The following DMD variants were observed in gnomAD, a reference collection of about 807,000 sequenced individuals.
DMD encodes the protein mutant dystrophin.
A neutral mutation model predicts 330.1 loss-of-function variants in DMD; 63 were observed. The ratio of observed to expected loss-of-function variants is 0.19; its 90% CI spans 0.16 to 0.24. The LOEUF (loss-of-function observed/expected upper bound fraction) is 0.24. Among genes scored for constraint, DMD ranks in the 10% least tolerant of loss-of-function variants. The pLI is 1.00. For missense variants in DMD, 3,344 were observed against 2,684.1 expected (o/e 1.25, Z -5.43); for synonymous variants, 1,223 against 959.8 (o/e 1.27, Z -5.07).
chrX:32,184,747 G>A (rs1416313785), intron 44 of DMD, among the ~76,000 whole-genome samples: 1 of 109,176 alleles, frequency 9.2e-6, no homozygotes, highest in African/African-American at 3.3e-5. Flanking sequence ...GAAATATAAG[G>A]CTTTTTTTCT....
intron 16 of DMD, among the ~76,000 whole-genome samples, chrX:32,554,878 G>GAAGA (rs769646135): frequency 0.05 from 1,625 of 32,619 alleles, 95 homozygotes; most frequent in Non-Finnish European, 0.075. Flanking sequence ...GAGAAGGAAA[G>GAAGA]AAGAAAGAAA....
At chrX:32,710,971 T>C (rs1297257123) in intron 7 of DMD, among the ~76,000 whole-genome samples, 1 of 111,537 alleles carries the variant, frequency 9.0e-6, no homozygotes, top group South Asian at 3.7e-4. Flanking sequence ...ATAAACAATA[T>C]GATCACTAAT....
chrX:31,476,386 T>C (rs1420757768), intron 59 of DMD, among the ~76,000 whole-genome samples: 5 of 80,631 alleles, frequency 6.2e-5, no homozygotes, highest in African/African-American at 2.7e-4. Flanking sequence ...TAACTATGTA[T>C]GTGTGTGTGT....
At chrX:32,049,711 T>C (rs1301403561) in intron 44 of DMD, among the ~76,000 whole-genome samples, 5 of 111,621 alleles carry the variant, frequency 4.5e-5, no homozygotes, top group Non-Finnish European at 9.4e-5. Flanking sequence ...TTACCTCCTC[T>C]AGTATAAGGA....
intron 7 of DMD, among the ~76,000 whole-genome samples, chrX:32,707,094 A>C (rs1569476727): frequency 9.9e-6 from 1 of 100,512 alleles, no homozygotes; most frequent in Non-Finnish European, 1.9e-5. Flanking sequence ...TCCGTCTCGG[A>C]GGGGGTAAAA....
At chrX:33,184,029 G>A (rs2050126716) in intron 1 of DMD, among the ~76,000 whole-genome samples, 1 of 111,371 alleles carries the variant, frequency 9.0e-6, no homozygotes, top group East Asian at 2.8e-4. Context: ...TAGTTAAAAG[G>A]GAGCCAGAAT....
intron 54 of DMD, among the ~76,000 whole-genome samples, chrX:31,631,533 G>A (rs777778475): frequency 4.5e-5 from 5 of 111,284 alleles, no homozygotes; most frequent in African/African-American, 1.6e-4. Flanking sequence ...TCCTCCTGGG[G>A]AAGGCTAGGA....
intron 44 of DMD, among the ~76,000 whole-genome samples, chrX:32,011,625 T>C (rs2095709531): frequency 9.0e-6 from 1 of 111,567 alleles, no homozygotes; most frequent in Non-Finnish European, 1.9e-5. Flanking sequence ...GCTTGACGCA[T>C]CCTCCTCCTG....
At chrX:31,523,412 A>AC (rs2073013027) in intron 55 of DMD, among the ~76,000 whole-genome samples, 1 of 111,225 alleles carries the variant, frequency 9.0e-6, no homozygotes, top group African/African-American at 3.3e-5. Context: ...TTAAAGGAGA[A>AC]CCCCCAAGAA....
At chrX:31,404,592 T>A (rs973713241) in intron 60 of DMD, among the ~76,000 whole-genome samples, 2 of 112,254 alleles carry the variant, frequency 1.8e-5, no homozygotes, top group South Asian at 7.4e-4. Flanking sequence ...ATTATAAAAT[T>A]GCATTTAGAT....
At chrX:32,879,697 C>T (rs922143996) in intron 2 of DMD, among the ~76,000 whole-genome samples, 29 of 110,353 alleles carry the variant, frequency 2.6e-4, no homozygotes, top group African/African-American at 7.9e-4. Flanking sequence ...TGTTCATAAT[C>T]TTTTCCAGTT....
chrX:32,167,246 T>C (rs1036151393), intron 44 of DMD, among the ~76,000 whole-genome samples: 1 of 112,673 alleles, frequency 8.9e-6, no homozygotes, highest in Non-Finnish European at 1.9e-5. Flanking sequence ...ATGCTGGTTT[T>C]AACTCTGCAC....
intron 50 of DMD, among the ~76,000 whole-genome samples, chrX:31,794,441 T>A (rs1231147210): frequency 8.9e-6 from 1 of 111,867 alleles, no homozygotes; most frequent in Non-Finnish European, 1.9e-5. Flanking sequence ...AATCTTTTAA[T>A]AGTTTAGGCA....
At chrX:32,773,276 T>C (rs766445942) in intron 7 of DMD, among the ~76,000 whole-genome samples, 22 of 111,684 alleles carry the variant, frequency 2.0e-4, no homozygotes, top group Admixed American at 1.2e-3. Context: ...ATTATTTTAG[T>C]TATTATGACT....
At chrX:33,043,498 G>C (rs889541773) in intron 1 of DMD, among the ~76,000 whole-genome samples, 2 of 110,460 alleles carry the variant, frequency 1.8e-5, no homozygotes, top group East Asian at 5.7e-4. Flanking sequence ...GGTTTATAAG[G>C]GAATGATCTA....
chrX:32,170,705 T>C (rs986697801), intron 44 of DMD, among the ~76,000 whole-genome samples: 50 of 110,029 alleles, frequency 4.5e-4, no homozygotes, highest in Admixed American at 4.0e-3. Context: ...TTGGACAGAA[T>C]AATTCTTTGT....
chrX:31,231,706 C>A (rs777416163), intron 63 of DMD, among the ~76,000 whole-genome samples: 1 of 112,148 alleles, frequency 8.9e-6, no homozygotes, highest in Non-Finnish European at 1.9e-5. Context: ...TGGCGAAACC[C>A]CGTCTCTACT....
intron 1 of DMD, among the ~76,000 whole-genome samples, chrX:33,321,930 C>A (rs1881975710): frequency 8.9e-6 from 1 of 111,925 alleles, no homozygotes; most frequent in South Asian, 3.8e-4. Flanking sequence ...TAGCTTCCAA[C>A]TTTTCTTCTG....
intron 5 of DMD, among the ~76,000 whole-genome samples, chrX:32,818,253 C>CAT (rs1410165852): frequency 9.0e-6 from 1 of 111,590 alleles, no homozygotes; most frequent in Non-Finnish European, 1.9e-5. Flanking sequence ...CCTCTATGTG[C>CAT]ATAACGTTAA....
Sources: gnomAD v4.1 joint callset for allele counts (sites outside exome capture counted in the v4.1 genomes callset) on GRCh38, gnomAD v4.1.1 for gene constraint, MANE v1.5 for transcripts, NCBI Gene and HGNC (gene_info 2026-07-23, HGNC 2026-07-21) for gene names.